GALNT18: variants seen among roughly 807,000 people sequenced by gnomAD.
GALNT18 encodes the protein polypeptide N-acetylgalactosaminyltransferase 18.
In GALNT18, 44 loss-of-function variants were observed where a neutral mutation model predicts 69.5. That is an observed-to-expected ratio of 0.63 (90% CI 0.50 to 0.81). GALNT18 has a LOEUF of 0.81. Ranked by LOEUF, GALNT18 falls within the 40% of genes least tolerant of loss-of-function variation. The pLI is 0.00. For missense variants in GALNT18, 715 were observed against 810.0 expected (o/e 0.88, Z 1.42); for synonymous variants, 364 against 318.2 (o/e 1.14, Z -1.53).
chr11:11,588,212 T>C (rs1473962330), intron 1 of GALNT18, among the ~76,000 whole-genome samples: 1 of 152,170 alleles, frequency 6.6e-6, no homozygotes, highest in Non-Finnish European at 1.5e-5. Context: ...CTTATGGCAC[T>C]AGTCACTTTT....
At chr11:11,331,419 G>A (rs534329640) in intron 8 of GALNT18, among the ~76,000 whole-genome samples, 2 of 152,260 alleles carry the variant, frequency 1.3e-5, no homozygotes, top group South Asian at 2.1e-4. Context: ...ATCCTAGGAT[G>A]TATATGATAT....
At position 11,497,771 on chromosome 11, in the gene GALNT18, C is replaced by T. The variant is rs936081549; in HGVS notation, c.236-48835G>A. Among the ~76,000 whole-genome samples the T allele has an allele frequency of 2.2e-5, 3 of 134,634 alleles. No individual in the cohort carries two copies. The highest frequency in any genetic ancestry group is 2.2e-4 in the Admixed American group (3 of 13,854). The allele number at this position is 134,634 out of a possible 152,430, so 88.3% of individuals were successfully genotyped here. ...TTTTCTATATATATATATATATACACACACACACACATACACACAAACCAT... is the reference window on the plus strand; with the variant it reads ...TTTTCTATATATATATATATATACATACACACACACATACACACAAACCAT... On this transcript the variant is annotated intron_variant, in intron 1 of 10. Coordinates refer to ENST00000227756, the MANE Select transcript of GALNT18 (RefSeq NM_198516.3). This position sits in a 1 kb window ranked among gnomAD's most constrained non-coding sequence, Gnocchi z 4.2.
intron 1 of GALNT18, among the ~76,000 whole-genome samples, chr11:11,534,764 C>T (rs1857737154): frequency 6.6e-6 from 1 of 152,236 alleles, no homozygotes; most frequent in South Asian, 2.1e-4. Context: ...ATTCTCCACG[C>T]TGTGTTTACA....
intron 6 of GALNT18, among the ~76,000 whole-genome samples, chr11:11,350,854 G>C (rs187595047): frequency 2.0e-5 from 3 of 152,320 alleles, no homozygotes; most frequent in Admixed American, 1.3e-4. Context: ...GAGAAAAGCT[G>C]CACAGGAGAG....
Position 11,332,956 on chromosome 11 carries a change from C to T in GALNT18, c.1279-125G>A. 1 of 1,003,706 alleles carries T rather than the reference C, an allele frequency of 1.0e-6. No homozygotes were observed. The highest frequency in any genetic ancestry group is 1.5e-6 in the Non-Finnish European group (1 of 672,162). 62.2% of individuals were successfully genotyped at this position (1,003,706 alleles called of 1,614,324 possible). On this transcript the variant is annotated intron_variant, in intron 7 of 10. Coordinates refer to ENST00000227756, the MANE Select transcript of GALNT18 (RefSeq NM_198516.3). The surrounding 1 kb of genome is among the most constrained non-coding windows in gnomAD (Gnocchi z 4.3). The stretch of plus-strand genomic sequence containing the variant: ...AGAGACTGGGGAAGGGACCATGTGG[C>T]ACGTTAACTCTTGCATTTTCCCACG...
intron 9 of GALNT18, among the ~76,000 whole-genome samples, chr11:11,300,870 T>C (rs909257172): frequency 6.6e-6 from 1 of 152,152 alleles, no homozygotes. Flanking sequence ...CAGGTGATTC[T>C]AATGTGCAAC....
intron 1 of GALNT18, among the ~76,000 whole-genome samples, chr11:11,531,987 G>A (rs935204370): frequency 2.0e-5 from 3 of 152,202 alleles, no homozygotes; most frequent in Admixed American, 2.0e-4. Flanking sequence ...GTATGCGTGT[G>A]TGTCATGAAC....
chr11:11,364,223 G>A (rs1193472460), intron 6 of GALNT18, among the ~76,000 whole-genome samples: 1 of 152,152 alleles, frequency 6.6e-6, no homozygotes, highest in Non-Finnish European at 1.5e-5. Flanking sequence ...AATAAATGAG[G>A]AAAGAGAAAT....
intron 1 of GALNT18, among the ~76,000 whole-genome samples, chr11:11,574,426 T>C (rs1858871165): frequency 6.6e-6 from 1 of 152,200 alleles, no homozygotes; most frequent in African/African-American, 2.4e-5. Context: ...AAGGTCTGAT[T>C]TTGATATCAA....
At chr11:11,493,140 A>T (rs1310689791) in intron 1 of GALNT18, among the ~76,000 whole-genome samples, 1 of 151,950 alleles carries the variant, frequency 6.6e-6, no homozygotes, top group African/African-American at 2.4e-5. Context: ...GGGTGCCTGT[A>T]GTCCCAGCTA....
At chr11:11,306,231 G>T (rs1849576359) in intron 9 of GALNT18, among the ~76,000 whole-genome samples, 1 of 152,044 alleles carries the variant, frequency 6.6e-6, no homozygotes, top group East Asian at 1.9e-4. Context: ...GCATGTGTGT[G>T]TGTATGTGTG....
rs1859637325 is a variant in GALNT18, at chr11:11,601,655, C to T, written c.235+19704G>A. Among the ~76,000 whole-genome samples the T allele has an allele frequency of 2.0e-5, 3 of 152,094 alleles. No homozygotes were observed. Among genetic ancestry groups the T allele is most frequent in the African/African-American group, 7.2e-5 (3 of 41,416 alleles). On this transcript the variant is annotated intron_variant, in intron 1 of 10. Coordinates refer to ENST00000227756, the MANE Select transcript of GALNT18 (RefSeq NM_198516.3). The surrounding 1 kb of genome is among the most constrained non-coding windows in gnomAD (Gnocchi z 4.0). ...TTTTGGCAGGGATTTTCTTTGAGGC[C>T]AGTTTTTGAGGCTTTCTTTGACCAT...
chr11:11,292,909 C>T lies in GALNT18; in HGVS notation c.1677+120G>A, dbSNP rs533226966. On this transcript the variant is annotated intron_variant, in intron 10 of 10. Transcript: ENST00000227756. The stretch of plus-strand genomic sequence containing the variant: ...AAAGCAGTCTGGAGCCACAGCCTCA[C>T]TACTGCCAGTCTGTCTCTCCTTCCC... The T allele has an allele frequency of 1.2e-5, 11 of 903,286 alleles. No homozygotes were observed. In the African/African-American group the frequency reaches 1.9e-4, roughly 15 times the overall value. The allele number at this position is 903,286 out of a possible 1,614,324, so 56.0% of individuals were successfully genotyped here.
In GALNT18 at chr11:11,337,599, G is replaced by C. The variant is rs1049036309; in HGVS notation, c.1278+3220C>G. Among the ~76,000 whole-genome samples, 2 of 152,138 alleles carry C rather than the reference G, an allele frequency of 1.3e-5. No individual in the cohort carries two copies. The highest frequency in any genetic ancestry group is 4.8e-5 in the African/African-American group (2 of 41,438). On this transcript the variant is annotated intron_variant, in intron 7 of 10. Coordinates refer to ENST00000227756, the MANE Select transcript of GALNT18 (RefSeq NM_198516.3). The surrounding 1 kb of genome is among the most constrained non-coding windows in gnomAD (Gnocchi z 4.9). ...AATGACAGAGAGATATTTAGGAGGG[G>C]GAGCTCTTCCCCCAGTTGGAGCTGG...
At chr11:11,457,692 C>A (rs901192820) in intron 1 of GALNT18, among the ~76,000 whole-genome samples, 3 of 152,210 alleles carry the variant, frequency 2.0e-5, no homozygotes, top group African/African-American at 7.2e-5. Context: ...TGCTTCTTGT[C>A]CCTCGGTTTG....
rs771112493 is a variant in GALNT18 at position 11,309,059 on chromosome 11, G to A, written c.1513-15866C>T. Among the ~76,000 whole-genome samples the A allele has an allele frequency of 1.1e-4, 16 of 152,188 alleles. No individual in the cohort carries two copies. Among genetic ancestry groups the A allele is most frequent in the African/African-American group, 3.9e-4 (16 of 41,446 alleles). On this transcript the variant is annotated intron_variant, in intron 9 of 10. Transcript: ENST00000227756. This position sits in a 1 kb window ranked among gnomAD's most constrained non-coding sequence, Gnocchi z 4.6. ...CTTAATGTGGTGGTGCTGGGAGGTA[G>A]GGCCTAATGGAAGGTGTTTGGATCA...
chr11:11,316,788 G>C (rs528431982), intron 9 of GALNT18, among the ~76,000 whole-genome samples: 1 of 152,228 alleles, frequency 6.6e-6, no homozygotes, highest in African/African-American at 2.4e-5. Context: ...GGGCTAGTGG[G>C]AAAGGAGTGT....
chr11:11,544,791 A>G (rs1169520947), intron 1 of GALNT18, among the ~76,000 whole-genome samples: 2 of 152,152 alleles, frequency 1.3e-5, no homozygotes, highest in Non-Finnish European at 2.9e-5. Context: ...CAAGTGCCCC[A>G]TCTCTAATTC....
intron 3 of GALNT18, among the ~76,000 whole-genome samples, chr11:11,399,423 T>C (rs1854410367): frequency 1.3e-5 from 2 of 152,306 alleles, no homozygotes; most frequent in South Asian, 4.1e-4. Flanking sequence ...GGGGTGGGTT[T>C]TGAGTGCCTG....
Sources: gnomAD v4.1 joint callset for allele counts (sites outside exome capture counted in the v4.1 genomes callset) on GRCh38, gnomAD v4.1.1 for gene constraint, Gnocchi (gnomAD v3.1) non-coding constraint, MANE v1.5 for transcripts, NCBI Gene and HGNC (gene_info 2026-07-23, HGNC 2026-07-21) for gene names.